The following TMEM255B variants were observed in gnomAD, a reference collection of about 807,000 sequenced individuals.
TMEM255B encodes the protein transmembrane protein 255B, also known as family with sequence similarity 70, member B.
Under a neutral mutation model 34.5 loss-of-function variants are expected in TMEM255B, and 35 were observed. The observed-to-expected ratio is 1.01, with a 90% CI of 0.77 to 1.34. TMEM255B has a LOEUF of 1.34. TMEM255B is among the 40% of genes most tolerant of loss of function. TMEM255B has a pLI of 0.00. For missense variants in TMEM255B, 432 were observed against 433.2 expected, an observed-to-expected ratio of 1.00 and a Z score of 0.02; for synonymous variants, 206 against 201.2, an observed-to-expected ratio of 1.02 and a Z score of -0.20.
At chr13:113,775,238 C>T (rs753289386) in intron 3 of TMEM255B, among the ~76,000 whole-genome samples, 11 of 152,198 alleles carry the variant, frequency 7.2e-5, no homozygotes, top group Non-Finnish European at 1.3e-4. Context: ...ATACTATACA[C>T]ACCACACACA....
At position 113,806,875 on chromosome 13, in the gene TMEM255B, G is replaced by A. The variant is rs1317847708; in HGVS notation, c.813+1847G>A. 2.0e-5 allele frequency among the ~76,000 whole-genome samples: 3 copies of A among 151,780 alleles called. No individual in the cohort carries two copies. Among genetic ancestry groups the A allele is most frequent in the Non-Finnish European group, 4.4e-5 (3 of 67,878 alleles). Reference sequence around the variant, plus strand: ...AGGTATCTCCAGGGACGCTGGGCCTGCAGGTGCTCCCCAAGCGGCTCTACA... The same window carrying A: ...AGGTATCTCCAGGGACGCTGGGCCTACAGGTGCTCCCCAAGCGGCTCTACA... On this transcript the variant is annotated intron_variant, in intron 8 of 8. Transcript: ENST00000375353. This position sits in a 1 kb window ranked among gnomAD's most constrained non-coding sequence, Gnocchi z 4.2.
intron 2 of TMEM255B, among the ~76,000 whole-genome samples, chr13:113,766,822 C>T (rs990072858): frequency 3.9e-5 from 6 of 152,280 alleles, no homozygotes; most frequent in African/African-American, 1.2e-4. Context: ...CTCATCCACC[C>T]GTCAGGCCAG....
intron 3 of TMEM255B, among the ~76,000 whole-genome samples, chr13:113,782,252 T>A (rs184766398): frequency 6.6e-6 from 1 of 152,344 alleles, no homozygotes; most frequent in East Asian, 1.9e-4. Context: ...ACACAAATTA[T>A]TTAACCTTTA....
At chr13:113,768,918 C>A in intron 2 of TMEM255B, 180 bp from the exon 3 acceptor site, 1 of 697,814 alleles carries the variant, frequency 1.4e-6, no homozygotes. Context: ...TGCAGAGATG[C>A]CTGCCCAACG....
chr13:113,793,606 G>C (rs1282981764), intron 3 of TMEM255B, among the ~76,000 whole-genome samples: 5 of 152,222 alleles, frequency 3.3e-5, no homozygotes, highest in African/African-American at 1.2e-4. Flanking sequence ...CAGCCCTACC[G>C]CCTCATCACT....
chr13:113,796,125 A>T (rs2050927942), intron 4 of TMEM255B, among the ~76,000 whole-genome samples: 1 of 146,868 alleles, frequency 6.8e-6, no homozygotes, highest in Admixed American at 6.7e-5. Flanking sequence ...CACACAGCAC[A>T]CAACACACAG....
In TMEM255B at chr13:113,811,850, T is replaced by TCC. The variant is rs764389181; in HGVS notation, c.928_929insCC (p.Tyr310SerfsTer24). 15 of 1,613,682 alleles carry TCC rather than the reference T, an allele frequency of 9.3e-6. No individual in the cohort carries two copies. The Admixed American group carries it at 1.8e-4, about 20-fold the overall frequency. ...GCTTCCCGGCCAGGCTCCACCGTGC[T>TCC]ACGCACCCACCTACTTTCCCCCGGG... On this transcript the variant is annotated frameshift_variant, in exon 9 of 9. Transcript: ENST00000375353. LOFTEE classifies it high-confidence loss of function.
chr13:113,807,875 CAG>C (rs1394900586), intron 8 of TMEM255B, among the ~76,000 whole-genome samples: 2 of 151,986 alleles, frequency 1.3e-5, no homozygotes, highest in East Asian at 1.9e-4. Context: ...GTGGGGGGCA[CAG>C]GGGCAGATCC....
chr13:113,805,088 G>A, intron 8 of TMEM255B, 60 bp downstream of exon 8: 1 of 1,485,692 alleles, frequency 6.7e-7, no homozygotes, highest in Non-Finnish European at 9.0e-7. Context: ...GGGATGGACA[G>A]GATGGGGCTG....
chr13:113,810,625 G>A (rs2051280270), intron 8 of TMEM255B, among the ~76,000 whole-genome samples: 1 of 152,198 alleles, frequency 6.6e-6, no homozygotes, highest in Admixed American at 6.5e-5. Flanking sequence ...ACCAGGGAGG[G>A]TGACGCTGCC....
In TMEM255B at chr13:113,765,276, A is replaced by C. The variant is rs1594615871; in HGVS notation, c.47-839A>C. Among the ~76,000 whole-genome samples the C allele has an allele frequency of 2.6e-5, 4 of 152,212 alleles. No homozygotes were observed. In the South Asian group the frequency reaches 8.3e-4, roughly 32 times the overall value. On this transcript the variant is annotated intron_variant, in intron 1 of 8. Coordinates refer to ENST00000375353, the MANE Select transcript of TMEM255B (RefSeq NM_182614.4). ...CAATTCTGCATCTGCACATTGATTT[A>C]TAGTTTTGTGAAACTCATTTCTGAG...
At chr13:113,767,162 A>T (rs1456714877) in intron 2 of TMEM255B, among the ~76,000 whole-genome samples, 1 of 152,248 alleles carries the variant, frequency 6.6e-6, no homozygotes, top group Non-Finnish European at 1.5e-5. Context: ...ATCAGCAAAG[A>T]TGAAAGATTT....
rs1315250312 is a variant in TMEM255B at position 113,769,444 on chromosome 13, T to C, written c.252+284T>C. ...AGGCCTGGGAAGCTCAGAGAATGCA[T>C]GAAGTTTGGGACGGGGGTGGCAAAT... is the stretch of plus-strand genomic sequence containing the variant. On this transcript the variant is annotated intron_variant, in intron 3 of 8. Transcript: ENST00000375353. The surrounding 1 kb of genome is among the most constrained non-coding windows in gnomAD (Gnocchi z 4.2). 2.5e-6 allele frequency: 1 copy of C among 403,430 alleles called. No individual in the cohort carries two copies. The highest frequency in any genetic ancestry group is 4.6e-6 in the Non-Finnish European group (1 of 218,744). 25.0% of individuals were successfully genotyped at this position (403,430 alleles called of 1,614,324 possible). A position where few individuals can be genotyped will look rare whatever the true frequency, so the allele number is the denominator to read the frequency against.
intron 1 of TMEM255B, among the ~76,000 whole-genome samples, chr13:113,762,839 T>C (rs754177558): frequency 6.6e-6 from 1 of 152,228 alleles, no homozygotes; most frequent in Non-Finnish European, 1.5e-5. Flanking sequence ...CGCTGAGTCA[T>C]CTGGTTAACT....
At chr13:113,808,471 T>G (rs1337248399) in intron 8 of TMEM255B, among the ~76,000 whole-genome samples, 1 of 152,140 alleles carries the variant, frequency 6.6e-6, no homozygotes, top group East Asian at 1.9e-4. Context: ...GGGTTTACTC[T>G]GTGGTTCCTG....
At chr13:113,759,764 T>C (rs527455223) in intron 1 of TMEM255B, among the ~76,000 whole-genome samples, 2 of 152,274 alleles carry the variant, frequency 1.3e-5, no homozygotes, top group Admixed American at 1.3e-4. Context: ...GAGGTAGCCT[T>C]TTCCTGTTTG....
At position 113,816,116 on chromosome 13, in the gene TMEM255B, TTG is replaced by T. The variant is rs1566345658; in HGVS notation, c.*4214_*4215del. 2.6e-3 allele frequency: 439 copies of T among 168,550 alleles called. 2 individuals carry two copies. Among genetic ancestry groups the T allele is most frequent in the African/African-American group, 4.4e-3 (170 of 38,272 alleles). 10.4% of individuals were successfully genotyped at this position (168,550 alleles called of 1,614,324 possible). On this transcript the variant is annotated 3_prime_UTR_variant, in exon 9 of 9. Transcript: ENST00000375353. ...GTTCTTTTCGGGGAGGCAAGCGTGT[TTG>T]CAGCGTGTTCTGGATGGGGAGAGGT...
intron 1 of TMEM255B, among the ~76,000 whole-genome samples, chr13:113,760,688 G>C (rs568737033): frequency 2.0e-4 from 21 of 103,242 alleles, no homozygotes; most frequent in Non-Finnish European, 3.6e-4. Context: ...GGTATCTGGG[G>C]GTGGATTATG....
Position 113,770,715 on chromosome 13 carries a change from G to T in TMEM255B, c.252+1555G>T, listed in dbSNP as rs1414770278. ...TGGGCGTCACAGCTGACCAGGGTGG[G>T]CAAAGGCCTCACACACACCAGTCAC... On this transcript the variant is annotated intron_variant, in intron 3 of 8. Transcript: ENST00000375353. This position sits in a 1 kb window ranked among gnomAD's most constrained non-coding sequence, Gnocchi z 4.6. 2.0e-5 allele frequency among the ~76,000 whole-genome samples: 3 copies of T among 152,136 alleles called. No homozygotes were observed. Among genetic ancestry groups the T allele is most frequent in the Non-Finnish European group, 4.4e-5 (3 of 68,024 alleles).
Sources: allele counts gnomAD v4.1 joint callset (sites outside exome capture counted in the v4.1 genomes callset), GRCh38; gene constraint gnomAD v4.1.1; non-coding constraint Gnocchi (gnomAD v3.1); transcripts MANE v1.5; gene names NCBI Gene and HGNC (gene_info 2026-07-23, HGNC 2026-07-21).